Variants in COL11A2 observed in about 807,000 individuals in gnomAD.
COL11A2 encodes the protein collagen alpha-2(XI) chain.
In COL11A2, 116 loss-of-function variants were observed where a neutral mutation model predicts 273.4. The ratio of observed to expected loss-of-function variants is 0.42; its 90% CI spans 0.36 to 0.49. COL11A2 has a LOEUF of 0.49. Among genes scored for constraint, COL11A2 ranks in the 20% least tolerant of loss-of-function variants. The pLI, the probability that COL11A2 is intolerant of heterozygous loss-of-function variation, is 0.00. For missense variants in COL11A2, 1,866 were observed against 2,309.0 expected (o/e 0.81, Z 3.93); for synonymous variants, 782 against 864.2 (o/e 0.90, Z 1.67).
At position 33,184,215 on chromosome 6, in the gene COL11A2, T is replaced by C; in HGVS notation, c.1049A>G (p.Tyr350Cys). The C allele has an allele frequency of 7.3e-7, 1 of 1,367,588 alleles. No homozygotes were observed. Among genetic ancestry groups the C allele is most frequent in the East Asian group, 4.5e-5 (1 of 21,984 alleles). 84.7% of individuals were successfully genotyped at this position (1,367,588 alleles called of 1,614,324 possible). ...TGTCTCCTCACGATAATCATCCCCA[T>C]AGCCATAGGTGTAATCGTAGGGCCC... Reference protein sequence around the residue: ...PEGPYDYTYGYGDDYREETEL... With the variant: ...PEGPYDYTYGCGDDYREETEL... The change falls in exon 8 of 66, where the codon TAT (tyrosine) becomes TGT (cysteine). Residue 350 changes from tyrosine to cysteine, a missense_variant. Physicochemically the swap from Tyr to Cys is radical, Grantham distance 194. Transcript: ENST00000341947.
At chr6:33,175,148 G>T (rs1770713502) in intron 30 of COL11A2, among the ~76,000 whole-genome samples, 1 of 152,188 alleles carries the variant, frequency 6.6e-6, no homozygotes, top group Admixed American at 6.5e-5. Context: ...TAAAACCTCA[G>T]CAAAACAGTA....
At position 33,177,283 on chromosome 6, in the gene COL11A2, C is replaced by G. The variant is rs545677611; in HGVS notation, c.1972-58G>C. 3 of 1,609,174 alleles carry G rather than the reference C, an allele frequency of 1.9e-6. No homozygotes were observed. Among genetic ancestry groups the G allele is most frequent in the South Asian group, 2.2e-5 (2 of 91,002 alleles). ...TCCCAGGGTCTCTTCTATCCAGCCT[C>G]CCGGATTCAAAGCATGAGCAACAAG... On this transcript the variant is annotated intron_variant, in intron 23 of 65. Coordinates refer to ENST00000341947, the MANE Select transcript of COL11A2 (RefSeq NM_080680.3). This position sits in a 1 kb window ranked among gnomAD's most constrained non-coding sequence, Gnocchi z 5.9.
At chr6:33,174,642 A>T (rs1770649351) in intron 30 of COL11A2, 62 bp from the exon 31 acceptor site, 1 of 1,530,884 alleles carries the variant, frequency 6.5e-7, no homozygotes, top group African/African-American at 1.4e-5. Context: ...CCACCCCTGG[A>T]GACCTCAACC....
At position 33,172,227 on chromosome 6, in the gene COL11A2, C is replaced by T. The variant is rs114775063; in HGVS notation, c.2988+62G>A. 2.5e-4 allele frequency: 327 copies of T among 1,314,926 alleles called. 1 individual carries two copies. The African/African-American group carries it at 5.0e-3, about 20-fold the overall frequency. The allele number at this position is 1,314,926 out of a possible 1,614,324, so 81.5% of individuals were successfully genotyped here. A position where few individuals can be genotyped will look rare whatever the true frequency, so the allele number is the denominator to read the frequency against. ...ACATGGAGGGGGTCAGGGACAGGGT[C>T]GGGGTGGGGACTCAGGATGCTTGGT... On this transcript the variant is annotated intron_variant, in intron 40 of 65. Coordinates refer to ENST00000341947, the MANE Select transcript of COL11A2 (RefSeq NM_080680.3).
Position 33,165,538 on chromosome 6 carries a change from C to T in COL11A2, c.4750+11G>A. On this transcript the variant is annotated intron_variant, in intron 63 of 65. Transcript: ENST00000341947. This position sits in a 1 kb window ranked among gnomAD's most constrained non-coding sequence, Gnocchi z 7.7. ...GGGGAGATGTTTGTGCACCCTGAGGCTAGCACTGACCATCGGGAAGCTCTG... is the reference window on the plus strand; with the variant it reads ...GGGGAGATGTTTGTGCACCCTGAGGTTAGCACTGACCATCGGGAAGCTCTG... 8 of 1,611,780 alleles carry T rather than the reference C, an allele frequency of 5.0e-6. No homozygotes were observed. The highest frequency in any genetic ancestry group is 5.9e-6 in the Non-Finnish European group (7 of 1,179,978).
intron 45 of COL11A2, 39 bp downstream of exon 45, chr6:33,171,075 G>A (rs1202919342): frequency 1.3e-6 from 2 of 1,573,972 alleles, no homozygotes; most frequent in African/African-American, 1.4e-5. Context: ...GAGGACCAGA[G>A]GCTGCTGGGC....
chr6:33,175,259 C>G (rs1044375429), intron 30 of COL11A2, among the ~76,000 whole-genome samples: 1 of 152,186 alleles, frequency 6.6e-6, no homozygotes, highest in Non-Finnish European at 1.5e-5. Flanking sequence ...ACAGACCTCA[C>G]TGCTATTAGA....
Position 33,164,034 on chromosome 6 carries a change from G to A in COL11A2, c.5071-216C>T, listed in dbSNP as rs745771376. The stretch of plus-strand genomic sequence containing the variant: ...CAGCCATGTGCCAGTCTGTGTACAC[G>A]TCTGCATTAACCTGTGTGACGCTGG... On this transcript the variant is annotated intron_variant, in intron 65 of 65. Transcript: ENST00000341947. This position sits in a 1 kb window ranked among gnomAD's most constrained non-coding sequence, Gnocchi z 4.7. Among the ~76,000 whole-genome samples, 7 of 152,164 alleles carry A rather than the reference G, an allele frequency of 4.6e-5. No individual in the cohort carries two copies. Among genetic ancestry groups the A allele is most frequent in the South Asian group, 2.1e-4 (1 of 4,834 alleles).
intron 4 of COL11A2, among the ~76,000 whole-genome samples, chr6:33,187,535 G>A (rs1316229174): frequency 6.6e-6 from 1 of 152,130 alleles, no homozygotes. Context: ...GGATAGATGA[G>A]TGGATGGGTG....
At position 33,173,943 on chromosome 6, in the gene COL11A2, A is replaced by G. The variant is rs1770519425; in HGVS notation, c.2530-17T>C. ...CCGTGGACCCTACAGAGGGAAGAGG[A>G]GTTGTCAGAGAAACCCAAATGCCCC... On this transcript the variant is annotated splice_polypyrimidine_tract_variant and intron_variant, in intron 33 of 65. Transcript: ENST00000341947. This position sits in a 1 kb window ranked among gnomAD's most constrained non-coding sequence, Gnocchi z 6.3. 6.2e-7 allele frequency: 1 copy of G among 1,613,912 alleles called. No individual in the cohort carries two copies. The highest frequency in any genetic ancestry group is 1.3e-5 in the African/African-American group (1 of 74,872).
In COL11A2 at chr6:33,163,422, A is replaced by G. The variant is rs1333404452; in HGVS notation, c.*256T>C. 3.5e-6 allele frequency: 2 copies of G among 578,962 alleles called. No homozygotes were observed. Among genetic ancestry groups the G allele is most frequent in the African/African-American group, 1.9e-5 (1 of 53,550 alleles). The allele number at this position is 578,962 out of a possible 1,614,324, so 35.9% of individuals were successfully genotyped here. ...TTGGGGTGATTGGGAGGTGAGTTTT[A>G]AATAAGGGTCTCAGCTCTCTAACGG... On this transcript the variant is annotated 3_prime_UTR_variant, in exon 66 of 66. Transcript: ENST00000341947. This position sits in a 1 kb window ranked among gnomAD's most constrained non-coding sequence, Gnocchi z 4.1.
At position 33,165,610 on chromosome 6, in the gene COL11A2, G is replaced by T; in HGVS notation, c.4689C>A (p.Thr1563=). ...GGCAGGTGCGAGCAGGGCTGTCCTG[G>T]GTCCCTGTTGGCCGCCTCATCTGCT... ...EIEQMRRPTG[T]QDSPARTCQD... Residue 1563 remains threonine (T), a synonymous_variant, in exon 63 of 66, where the codon ACC becomes ACA. Transcript: ENST00000341947. The surrounding 1 kb of genome is among the most constrained non-coding windows in gnomAD (Gnocchi z 7.7). The T allele has an allele frequency of 6.2e-7, 1 of 1,613,352 alleles. No individual in the cohort carries two copies. The highest frequency in any genetic ancestry group is 8.5e-7 in the Non-Finnish European group (1 of 1,179,992).
Position 33,166,295 on chromosome 6 carries a change from G to C in COL11A2, c.4393-89C>G. On this transcript the variant is annotated intron_variant, in intron 60 of 65. Coordinates refer to ENST00000341947, the MANE Select transcript of COL11A2 (RefSeq NM_080680.3). This position sits in a 1 kb window ranked among gnomAD's most constrained non-coding sequence, Gnocchi z 4.8. ...GGGAGGCAAGGTCCCAAGTCCACAGGAGCCTCGGGTTACTACAGGAGGGGC... is the reference window on the plus strand; with the variant it reads ...GGGAGGCAAGGTCCCAAGTCCACAGCAGCCTCGGGTTACTACAGGAGGGGC... 1 of 1,501,562 alleles carries C rather than the reference G, an allele frequency of 6.7e-7. No homozygotes were observed. The highest frequency in any genetic ancestry group is 9.0e-7 in the Non-Finnish European group (1 of 1,108,672). 93.0% of individuals were successfully genotyped at this position (1,501,562 alleles called of 1,614,324 possible). A position where few individuals can be genotyped will look rare whatever the true frequency, so the allele number is the denominator to read the frequency against.
Position 33,173,990 on chromosome 6 carries a change from G to A in COL11A2, c.2529+21C>T. 6.2e-7 allele frequency: 1 copy of A among 1,614,042 alleles called. No individual in the cohort carries two copies. Among genetic ancestry groups the A allele is most frequent in the East Asian group, 2.2e-5 (1 of 44,870 alleles). ...CCCCCCTCTGGACCTTGAGCCACCT[G>A]TTTCTCTCCCCTGCACTCACCGTGG... On this transcript the variant is annotated intron_variant, in intron 33 of 65. Coordinates refer to ENST00000341947, the MANE Select transcript of COL11A2 (RefSeq NM_080680.3). The surrounding 1 kb of genome is among the most constrained non-coding windows in gnomAD (Gnocchi z 6.3).
chr6:33,176,527 G>A lies in COL11A2; in HGVS notation c.2116-41C>T. ...GAGGCATTTATAAAGGGGCCTCAGA[G>A]TGTCACTGTGGGGGCCTCCAGGGGT... On this transcript the variant is annotated intron_variant, in intron 26 of 65. Transcript: ENST00000341947. This position sits in a 1 kb window ranked among gnomAD's most constrained non-coding sequence, Gnocchi z 4.9. The A allele has an allele frequency of 6.3e-7, 1 of 1,579,490 alleles. No homozygotes were observed.
rs1554220721 is a variant in COL11A2 at position 33,178,370 on chromosome 6, G to A, written c.1774-18C>T. The A allele has an allele frequency of 2.0e-5, 33 of 1,612,748 alleles. No homozygotes were observed. The Admixed American group carries it at 3.0e-4, about 15-fold the overall frequency. ...TCATCTCCCTGGAGGAGGAGGACAC[G>A]GTAAAGCTGCTGTGCCTTCTAGACC... is the stretch of plus-strand genomic sequence containing the variant. On this transcript the variant is annotated intron_variant, in intron 19 of 65. Coordinates refer to ENST00000341947, the MANE Select transcript of COL11A2 (RefSeq NM_080680.3). This position sits in a 1 kb window ranked among gnomAD's most constrained non-coding sequence, Gnocchi z 4.6.
chr6:33,164,503 G>T lies in COL11A2; in HGVS notation c.4864-30C>A, dbSNP rs192547628. On this transcript the variant is annotated intron_variant, in intron 64 of 65. Coordinates refer to ENST00000341947, the MANE Select transcript of COL11A2 (RefSeq NM_080680.3). This position sits in a 1 kb window ranked among gnomAD's most constrained non-coding sequence, Gnocchi z 4.7. ...AAGGAGAGAGAGGGCTGGCCTCAGAGGGGGAGAGAGAGGGCTGGCCTCAGA... is the reference window on the plus strand; with the variant it reads ...AAGGAGAGAGAGGGCTGGCCTCAGATGGGGAGAGAGAGGGCTGGCCTCAGA... The T allele has an allele frequency of 4.7e-6, 7 of 1,497,508 alleles. No homozygotes were observed. In the Admixed American group the frequency reaches 6.3e-5, roughly 14 times the overall value. The allele number at this position is 1,497,508 out of a possible 1,614,324, so 92.8% of individuals were successfully genotyped here. A position where few individuals can be genotyped will look rare whatever the true frequency, so the allele number is the denominator to read the frequency against.
chr6:33,166,524 G>T lies in COL11A2; in HGVS notation c.4381C>A (p.Pro1461Thr). The T allele has an allele frequency of 1.2e-6, 2 of 1,613,696 alleles. No individual in the cohort carries two copies. The highest frequency in any genetic ancestry group is 1.7e-6 in the Non-Finnish European group (2 of 1,179,790). The change falls in exon 60 of 66, where the codon CCC (proline) becomes ACC (threonine). Residue 1461 changes from proline (P) to threonine (T), a missense_variant. Coordinates refer to ENST00000341947, the MANE Select transcript of COL11A2 (RefSeq NM_080680.3). The surrounding 1 kb of genome is among the most constrained non-coding windows in gnomAD (Gnocchi z 4.8). ...GAGGCAGTACTCACGGGGAGGCCGG[G>T]GGGACCTCCAGGACCAATGGGGCCG... ...ASGPIGPGGPPGLPGPAGPKG... is the reference protein window; with the variant it reads ...ASGPIGPGGPTGLPGPAGPKG...
In COL11A2 at chr6:33,168,993, G is replaced by A. The variant is rs1441312439; in HGVS notation, c.3814C>T (p.Pro1272Ser). 6.2e-7 allele frequency: 1 copy of A among 1,609,260 alleles called. No individual in the cohort carries two copies. Residue 1272 changes from proline (P) to serine (S), a missense_variant, in exon 52 of 66, where the codon CCT becomes TCT. Pro to Ser is a moderately conservative substitution (Grantham distance 74, BLOSUM62 -1). Transcript: ENST00000341947. Reference protein sequence around the residue: ...PKGNPGPVGFPGDPGPPGEGG... With the variant: ...PKGNPGPVGFSGDPGPPGEGG... ...TCTCCAGGGGGGCCAGGGTCACCAGGAAAACCAACAGGACCCTGATCCAGA... is the reference window on the plus strand; with the variant it reads ...TCTCCAGGGGGGCCAGGGTCACCAGAAAAACCAACAGGACCCTGATCCAGA...
Sources: gnomAD v4.1 joint callset for allele counts (sites outside exome capture counted in the v4.1 genomes callset) on GRCh38, gnomAD v4.1.1 for gene constraint, Gnocchi (gnomAD v3.1) non-coding constraint, MANE v1.5 for transcripts, NCBI Gene and HGNC (gene_info 2026-07-23, HGNC 2026-07-21) for gene names.